PLA2G4E: variants seen among roughly 807,000 people sequenced by gnomAD.
PLA2G4E encodes cytosolic phospholipase A2 epsilon.
In PLA2G4E, 84 loss-of-function variants were observed where a neutral mutation model predicts 109.1. That is an observed-to-expected ratio of 0.77 (90% CI 0.65 to 0.92). The LOEUF (loss-of-function observed/expected upper bound fraction) is 0.92, where lower values mean the gene tolerates loss of function less well. PLA2G4E is among the 40% of genes least tolerant of loss of function. The pLI, the probability that PLA2G4E is intolerant of heterozygous loss-of-function variation, is 0.00. For synonymous variants in PLA2G4E, 469 were observed against 436.1 expected (o/e 1.08, Z -0.94); for missense variants, 1,057 against 1,076.6 (o/e 0.98, Z 0.25).
In PLA2G4E at chr15:41,990,239, TG is replaced by T. The variant is rs1566835899; in HGVS notation, c.1471-5del. On this transcript the variant is annotated splice_region_variant and splice_polypyrimidine_tract_variant and intron_variant, in intron 13 of 19. Transcript: ENST00000399518. Reference sequence around the variant, plus strand: ...CTGACAGTTTGCATTCATTTCTCTGTGGGGAAACAAAATGGTTAAAGAGAAG... The same window carrying T: ...CTGACAGTTTGCATTCATTTCTCTGTGGGAAACAAAATGGTTAAAGAGAAG... 31 of 1,612,868 alleles carry T rather than the reference TG, an allele frequency of 1.9e-5. No homozygotes were observed. Among genetic ancestry groups the T allele is most frequent in the Middle Eastern group, 1.7e-4 (1 of 5,860 alleles).
At chr15:41,999,451 C>T (rs941314529) in intron 10 of PLA2G4E, 73 bp downstream of exon 10, 22 of 1,159,428 alleles carry the variant, frequency 1.9e-5, no homozygotes, top group Non-Finnish European at 2.6e-5. Context: ...CAAATCAAAA[C>T]CACAGTGAGA....
chr15:42,002,287 A>AG lies in PLA2G4E; in HGVS notation c.609+366dup, dbSNP rs1555386331. ...CTCAAAAAAAAAAAAAAAAAAAAAA[A>AG]GGTAAACTGTGCTTGTAGAATTACT... On this transcript the variant is annotated intron_variant, in intron 6 of 19. Coordinates refer to ENST00000399518, the Ensembl canonical transcript of PLA2G4E. Among the ~76,000 whole-genome samples the AG allele has an allele frequency of 2.1e-5, 3 of 140,812 alleles. No homozygotes were observed. In the East Asian group the frequency reaches 6.5e-4, roughly 31 times the overall value. The allele number at this position is 140,812 out of a possible 152,430, so 92.4% of individuals were successfully genotyped here. A position where few individuals can be genotyped will look rare whatever the true frequency, so the allele number is the denominator to read the frequency against.
chr15:41,990,867 A>G (rs975329029), intron 13 of PLA2G4E, among the ~76,000 whole-genome samples: 2 of 151,072 alleles, frequency 1.3e-5, no homozygotes, highest in Admixed American at 6.6e-5. Context: ...CCACCTCCCA[A>G]AGTGAATCAG....
At chr15:42,000,270 A>G in exon 8 of PLA2G4E, 2 of 1,569,732 alleles carry the variant, frequency 1.3e-6, no homozygotes, top group Non-Finnish European at 1.7e-6. Flanking sequence ...CACCATCACC[A>G]GGAGGTCCTT....
chr15:42,005,401 G>C (rs2068465098), intron 4 of PLA2G4E, among the ~76,000 whole-genome samples: 1 of 152,234 alleles, frequency 6.6e-6, no homozygotes, highest in Non-Finnish European at 1.5e-5. Flanking sequence ...AGGCAAGCCA[G>C]GGCCTCACTG....
chr15:42,035,994 G>GT (rs10711186), intron 1 of PLA2G4E, among the ~76,000 whole-genome samples: 7 of 151,868 alleles, frequency 4.6e-5, no homozygotes, highest in Non-Finnish European at 1.0e-4. Flanking sequence ...CTATAAACAT[G>GT]TTTTTTTTCT....
At chr15:42,019,231 G>A (rs1426836648) in intron 1 of PLA2G4E, among the ~76,000 whole-genome samples, 1 of 152,202 alleles carries the variant, frequency 6.6e-6, no homozygotes, top group Middle Eastern at 3.2e-3. Context: ...CAGTAGCAGA[G>A]ACAGGAGGAA....
intron 1 of PLA2G4E, among the ~76,000 whole-genome samples, chr15:42,018,242 T>G (rs1057043509): frequency 2.6e-5 from 4 of 152,220 alleles, no homozygotes; most frequent in African/African-American, 9.6e-5. Flanking sequence ...AGTGGAAAGA[T>G]GCAATCGAGC....
At chr15:42,030,384 A>G (rs916102840) in intron 1 of PLA2G4E, among the ~76,000 whole-genome samples, 4 of 152,184 alleles carry the variant, frequency 2.6e-5, no homozygotes, top group Non-Finnish European at 5.9e-5. Flanking sequence ...GCCCCAGATC[A>G]ATGCCTATCC....
exon 20 of PLA2G4E, chr15:41,983,409 C>T (rs749794914): frequency 1.7e-4 from 48 of 285,924 alleles, no homozygotes; most frequent in African/African-American, 9.6e-4. Context: ...GGCTGCCAGC[C>T]CTGGGCTCTG....
At chr15:42,037,929 C>A (rs1889246996) in intron 1 of PLA2G4E, among the ~76,000 whole-genome samples, 1 of 152,210 alleles carries the variant, frequency 6.6e-6, no homozygotes, top group Non-Finnish European at 1.5e-5. Flanking sequence ...GGCAGGGATC[C>A]AGGCTGGTAG....
At position 41,997,104 on chromosome 15, in the gene PLA2G4E, C is replaced by T; in HGVS notation, c.1110+20G>A. ...GAAGGACCAGCTGGGCCCAGGCTGG[C>T]CACATCCCTGATTACCCACCTCGTC... On this transcript the variant is annotated intron_variant, in intron 11 of 19. Coordinates refer to ENST00000399518, the Ensembl canonical transcript of PLA2G4E. 1.3e-6 allele frequency: 2 copies of T among 1,548,802 alleles called. No homozygotes were observed. Among genetic ancestry groups the T allele is most frequent in the Non-Finnish European group, 1.7e-6 (2 of 1,145,392 alleles).
chr15:41,987,366 G>A lies in PLA2G4E; in HGVS notation c.1841C>T (p.Pro614Leu), dbSNP rs745626061. 34 of 1,613,228 alleles carry A rather than the reference G, an allele frequency of 2.1e-5. No homozygotes were observed. The highest frequency in any genetic ancestry group is 4.0e-5 in the African/African-American group (3 of 74,908). The change falls in exon 17 of 20, where the codon CCG becomes CTG. Residue 614 changes from proline to leucine, a missense_variant. Physicochemically the swap from Pro to Leu is moderately conservative, Grantham distance 98 (BLOSUM62 -3). Coordinates refer to ENST00000399518, the Ensembl canonical transcript of PLA2G4E. ...ACATTTGGGGATTTCAGGCAGGATC[G>A]GCTCGTCTTCTGCAGGGGAGGGAGG...
chr15:42,023,026 G>A (rs1357803799), intron 1 of PLA2G4E, among the ~76,000 whole-genome samples: 4 of 152,090 alleles, frequency 2.6e-5, no homozygotes, highest in African/African-American at 7.2e-5. Flanking sequence ...GGCATCCTAG[G>A]AGGAAGAAAC....
chr15:42,007,876 A>G lies in PLA2G4E; in HGVS notation c.257-11T>C, dbSNP rs2068493403. The G allele has an allele frequency of 6.3e-7, 1 of 1,595,102 alleles. No individual in the cohort carries two copies. Among genetic ancestry groups the G allele is most frequent in the African/African-American group, 1.3e-5 (1 of 74,592 alleles). The stretch of plus-strand genomic sequence containing the variant: ...AGTCTGTCTGGCTCACTGTCCAAGA[A>G]AGATAAGTGGAACCAATCCAGGTTC... On this transcript the variant is annotated splice_polypyrimidine_tract_variant and intron_variant, in intron 2 of 19. Transcript: ENST00000399518.
intron 1 of PLA2G4E, among the ~76,000 whole-genome samples, chr15:42,040,594 T>C (rs531166011): frequency 6.6e-6 from 1 of 152,378 alleles, no homozygotes; most frequent in Admixed American, 6.5e-5. Context: ...ACAAGACTAA[T>C]TTGTAAAAAT....
chr15:41,996,312 C>T (rs1206048229), intron 11 of PLA2G4E, among the ~76,000 whole-genome samples: 4 of 134,478 alleles, frequency 3.0e-5, no homozygotes, highest in Admixed American at 8.5e-5. Context: ...GGTGCCACTG[C>T]ACTCCAGCCT....
chr15:42,024,434 G>A (rs1050223514), intron 1 of PLA2G4E, among the ~76,000 whole-genome samples: 3 of 152,212 alleles, frequency 2.0e-5, no homozygotes, highest in Admixed American at 1.3e-4. Flanking sequence ...TGCTGTGTGC[G>A]CTGAGGCCTC....
At chr15:41,987,021 C>A (rs2033723011) in intron 17 of PLA2G4E, 151 bp downstream of exon 17, 2 of 797,382 alleles carry the variant, frequency 2.5e-6, no homozygotes, top group African/African-American at 3.5e-5. Flanking sequence ...ACGACACCAC[C>A]AAATGTGGAA....
Sources: allele counts gnomAD v4.1 joint callset (sites outside exome capture counted in the v4.1 genomes callset), GRCh38; gene constraint gnomAD v4.1.1; transcripts MANE v1.5; gene names NCBI Gene and HGNC (gene_info 2026-07-23, HGNC 2026-07-21).